The following ULK4 variants were observed in gnomAD, a reference collection of about 807,000 sequenced individuals.
ULK4 encodes inactive serine/threonine-protein kinase ULK4.
In ULK4, 133 loss-of-function variants were observed where a neutral mutation model predicts 160.6. That is an observed-to-expected ratio of 0.83 (90% confidence interval 0.72 to 0.96). The LOEUF (loss-of-function observed/expected upper bound fraction) is 0.96. ULK4 is among the 40% of genes least tolerant of loss of function. ULK4 has a pLI of 0.00. For synonymous variants in ULK4, 534 were observed against 539.8 expected (o/e 0.99, Z 0.15); for missense variants, 1,580 against 1,499.5 (o/e 1.05, Z -0.89).
intron 30 of ULK4, among the ~76,000 whole-genome samples, chr3:41,655,297 C>T (rs1393075511): frequency 2.5e-4 from 36 of 145,884 alleles, no homozygotes; most frequent in Admixed American, 2.2e-3. Flanking sequence ...AAACACCGCA[C>T]GTTCTCACTC....
intron 17 of ULK4, among the ~76,000 whole-genome samples, chr3:41,872,743 A>G (rs1697144539): frequency 6.6e-6 from 1 of 152,148 alleles, no homozygotes; most frequent in African/African-American, 2.4e-5. Context: ...TTAATTTCCC[A>G]GTTTGGGAGA....
At chr3:41,688,380 C>T (rs1217549282) in intron 27 of ULK4, among the ~76,000 whole-genome samples, 1 of 152,078 alleles carries the variant, frequency 6.6e-6, no homozygotes, top group Non-Finnish European at 1.5e-5. Flanking sequence ...ATAGTGGAAC[C>T]CCCATCCCTA....
At chr3:41,777,747 T>C (rs1310779857) in intron 21 of ULK4, among the ~76,000 whole-genome samples, 12 of 131,432 alleles carry the variant, frequency 9.1e-5, no homozygotes, top group Admixed American at 8.6e-4. Flanking sequence ...GTGAGATTCT[T>C]AATCCTGAGT....
chr3:41,894,958 G>T (rs1429810677), intron 16 of ULK4, among the ~76,000 whole-genome samples: 1 of 152,252 alleles, frequency 6.6e-6, no homozygotes, highest in East Asian at 1.9e-4. Context: ...TCCATCGGGA[G>T]TTTATAAATC....
At chr3:41,265,559 C>T (rs2079016232) in intron 35 of ULK4, among the ~76,000 whole-genome samples, 1 of 152,200 alleles carries the variant, frequency 6.6e-6, no homozygotes, top group Non-Finnish European at 1.5e-5. Context: ...AGCCGTCAGG[C>T]ACCAATTAAT....
At chr3:41,774,294 A>C (rs1487951651) in intron 21 of ULK4, among the ~76,000 whole-genome samples, 21 of 150,750 alleles carry the variant, frequency 1.4e-4, no homozygotes, top group African/African-American at 2.2e-4. Flanking sequence ...CAACCTACAA[A>C]ATGGGAGAAA....
intron 35 of ULK4, among the ~76,000 whole-genome samples, chr3:41,392,043 T>G (rs1311171714): frequency 6.6e-6 from 1 of 152,094 alleles, no homozygotes; most frequent in Non-Finnish European, 1.5e-5. Context: ...GGTTCATGTG[T>G]AGTCAATATT....
chr3:41,809,776 C>CT lies in ULK4; in HGVS notation c.1849-9484dup, dbSNP rs1319335052. 2.0e-5 allele frequency among the ~76,000 whole-genome samples: 3 copies of CT among 152,188 alleles called. No homozygotes were observed. In the East Asian group the frequency reaches 5.8e-4, roughly 29 times the overall value. On this transcript the variant is annotated intron_variant, in intron 19 of 36. Transcript: ENST00000301831. ...CAGTGTTTTGCCCTACCAATATAAT[C>CT]TTTTTTCAATAATTTATTTTTGCCC...
chr3:41,595,413 C>G (rs1298046456), intron 31 of ULK4, among the ~76,000 whole-genome samples: 2 of 152,138 alleles, frequency 1.3e-5, no homozygotes, highest in Non-Finnish European at 2.9e-5. Flanking sequence ...TAAAAGGCAC[C>G]TAGTAATCCT....
intron 5 of ULK4, among the ~76,000 whole-genome samples, chr3:41,930,704 T>C (rs1024931385): frequency 1.3e-5 from 2 of 151,906 alleles, no homozygotes; most frequent in Non-Finnish European, 2.9e-5. Flanking sequence ...CTTCTCAAAA[T>C]AAGACATTTA....
intron 35 of ULK4, among the ~76,000 whole-genome samples, chr3:41,370,844 T>C (rs547353353): frequency 2.4e-4 from 37 of 152,306 alleles, no homozygotes; most frequent in African/African-American, 8.9e-4. Flanking sequence ...CCAAGTGGTC[T>C]TGCTCAGCGG....
At chr3:41,300,559 C>A (rs1047110051) in intron 35 of ULK4, among the ~76,000 whole-genome samples, 1 of 151,752 alleles carries the variant, frequency 6.6e-6, no homozygotes, top group Admixed American at 6.6e-5. Context: ...TAAACACTAC[C>A]CAAACAATAT....
chr3:41,514,531 C>G (rs1559665035), intron 32 of ULK4, among the ~76,000 whole-genome samples: 1 of 152,128 alleles, frequency 6.6e-6, no homozygotes, highest in South Asian at 2.1e-4. Context: ...TGAAATCGAC[C>G]TGGGTGTCCA....
intron 17 of ULK4, among the ~76,000 whole-genome samples, chr3:41,858,358 G>A (rs2042419002): frequency 6.6e-6 from 1 of 150,852 alleles, no homozygotes; most frequent in African/African-American, 2.4e-5. Context: ...CACCATGTTG[G>A]CCAGGCTGGT....
At chr3:41,733,362 T>C (rs2037900376) in intron 22 of ULK4, among the ~76,000 whole-genome samples, 2 of 152,112 alleles carry the variant, frequency 1.3e-5, no homozygotes, top group Admixed American at 6.6e-5. Context: ...GGAGATGATC[T>C]AGTTTGGAAT....
chr3:41,560,344 G>A (rs1223155342), intron 32 of ULK4, among the ~76,000 whole-genome samples: 5 of 152,094 alleles, frequency 3.3e-5, no homozygotes, highest in South Asian at 2.1e-4. Flanking sequence ...TTGGCAATGC[G>A]GGCTCTTTTT....
chr3:41,631,941 CCA>C (rs1168026754), intron 30 of ULK4, among the ~76,000 whole-genome samples: 2 of 152,182 alleles, frequency 1.3e-5, no homozygotes, highest in Non-Finnish European at 2.9e-5. Context: ...CCTCTCACTC[CCA>C]CATTCTGTCC....
At chr3:41,539,593 A>G (rs77994593) in intron 32 of ULK4, among the ~76,000 whole-genome samples, 3,122 of 152,296 alleles carry the variant, frequency 0.02, 112 homozygotes, top group African/African-American at 0.072. Flanking sequence ...ACTATAGGAA[A>G]AAAATTAAAT....
intron 22 of ULK4, among the ~76,000 whole-genome samples, chr3:41,745,962 A>G (rs535278028): frequency 5.9e-5 from 9 of 151,492 alleles, no homozygotes; most frequent in African/African-American, 2.2e-4. Context: ...AGAAAAAAAA[A>G]ACTCTAAGAA....
Sources: allele counts gnomAD v4.1 joint callset (sites outside exome capture counted in the v4.1 genomes callset), GRCh38; gene constraint gnomAD v4.1.1; transcripts MANE v1.5; gene names NCBI Gene and HGNC (gene_info 2026-07-23, HGNC 2026-07-21).